Variants in GRIN1 observed in about 807,000 individuals in gnomAD.
GRIN1 encodes the protein glutamate receptor ionotropic, NMDA 1.
In GRIN1, 38 loss-of-function variants were observed where a neutral mutation model predicts 103.0. The observed-to-expected ratio is 0.37, with a 90% CI of 0.28 to 0.48. GRIN1 has a LOEUF of 0.48. GRIN1 is among the 20% of genes least tolerant of loss of function. GRIN1 has a pLI of 0.98. For missense variants in GRIN1, 577 were observed against 1,288.9 expected (o/e 0.45, Z 8.46); for synonymous variants, 544 against 532.7 (o/e 1.02, Z -0.29).
chr9:137,141,754 C>T lies in GRIN1; in HGVS notation c.259-259C>T, dbSNP rs548612483. On this transcript the variant is annotated intron_variant, in intron 1 of 19. Transcript: ENST00000371561. Reference sequence around the variant, plus strand: ...CCAGGACATCCCAAGGGCAGTCCTTCACCTGGCCCTTGAGCACAACACCTG... The same window carrying T: ...CCAGGACATCCCAAGGGCAGTCCTTTACCTGGCCCTTGAGCACAACACCTG... Among the ~76,000 whole-genome samples the T allele has an allele frequency of 5.3e-5, 8 of 152,312 alleles. No individual in the cohort carries two copies. In the East Asian group the frequency reaches 1.4e-3, roughly 26 times the overall value.
intron 6 of GRIN1, 107 bp downstream of exon 6, chr9:137,157,144 T>C: frequency 1.0e-6 from 1 of 964,286 alleles, no homozygotes; most frequent in Non-Finnish European, 1.5e-6. Context: ...GGGGCCACTC[T>C]CCAGAGCTGG....
chr9:137,147,042 C>CCCCACCAGCGCCCGACAGGCCCCT (rs1832580255), intron 3 of GRIN1, among the ~76,000 whole-genome samples: 1 of 84,958 alleles, frequency 1.2e-5, no homozygotes, highest in Non-Finnish European at 2.3e-5. Context: ...ACAGGCCCCT[C>CCCCACCAGCGCCCGACAGGCCCCT]CCCCCCAGCA....
intron 3 of GRIN1, among the ~76,000 whole-genome samples, chr9:137,147,667 G>A (rs151140542): frequency 6.6e-6 from 1 of 152,368 alleles, no homozygotes; most frequent in Non-Finnish European, 1.5e-5. Context: ...GCCGAAGGGC[G>A]TGGGCACCCC....
intron 8 of GRIN1, among the ~76,000 whole-genome samples, chr9:137,159,338 G>A (rs1284162563): frequency 2.6e-5 from 4 of 152,120 alleles, no homozygotes; most frequent in South Asian, 2.1e-4. Flanking sequence ...CCTCACAGGC[G>A]ACACGCCCAC....
intron 18 of GRIN1, 154 bp from the exon 19 acceptor site, chr9:137,165,032 G>C (rs995381720): frequency 1.4e-6 from 1 of 709,906 alleles, no homozygotes; most frequent in South Asian, 1.5e-5. Flanking sequence ...ACCCTCGAAC[G>C]TCCGCTGTCG....
intron 4 of GRIN1, 152 bp downstream of exon 4, chr9:137,149,261 C>T: frequency 2.9e-6 from 2 of 687,840 alleles, no homozygotes; most frequent in Non-Finnish European, 5.3e-6. Context: ...CCCCCACCCG[C>T]ACCCACACTC....
chr9:137,158,748 G>C (rs201197158), intron 8 of GRIN1, 44 bp downstream of exon 8: 16 of 1,389,256 alleles, frequency 1.2e-5, no homozygotes, highest in Non-Finnish European at 1.5e-5. Context: ...ACCCCAGACA[G>C]CCCATCCACC....
At chr9:137,158,247 C>T in intron 6 of GRIN1, 132 bp from the exon 7 acceptor site, 2 of 1,019,650 alleles carry the variant, frequency 2.0e-6, no homozygotes, top group Non-Finnish European at 3.0e-6. Flanking sequence ...GCCCAAGCTG[C>T]TCAGCCGGCA....
chr9:137,154,420 C>A (rs1232275753), intron 4 of GRIN1, among the ~76,000 whole-genome samples: 1 of 144,650 alleles, frequency 6.9e-6, no homozygotes, highest in Non-Finnish European at 1.5e-5. Flanking sequence ...CCACCACCCC[C>A]AGCTCCAACA....
intron 12 of GRIN1, 52 bp from the exon 13 acceptor site, chr9:137,162,352 G>C: frequency 6.5e-7 from 1 of 1,540,932 alleles, no homozygotes; most frequent in Non-Finnish European, 8.7e-7. Flanking sequence ...CCAGGGGCGG[G>C]GCAGGGCCGC....
intron 19 of GRIN1, 83 bp downstream of exon 19, chr9:137,165,379 G>A (rs1319119082): frequency 1.5e-5 from 13 of 886,452 alleles, no homozygotes; most frequent in Admixed American, 3.6e-5. Flanking sequence ...ACCCCGCCCC[G>A]GACCCTGGGC....
intron 18 of GRIN1, 175 bp downstream of exon 18, chr9:137,164,079 G>A: frequency 1.3e-6 from 1 of 794,600 alleles, no homozygotes; most frequent in Non-Finnish European, 2.1e-6. Flanking sequence ...CACCGGTGGG[G>A]GGCTGCCTGC....
chr9:137,151,923 T>C (rs1564352194), intron 4 of GRIN1, among the ~76,000 whole-genome samples: 4 of 135,932 alleles, frequency 2.9e-5, no homozygotes, highest in Non-Finnish European at 3.2e-5. Flanking sequence ...TTTTTTTTCT[T>C]TGAGATGGAG....
intron 17 of GRIN1, 38 bp downstream of exon 17, chr9:137,163,706 G>C (rs199572910): frequency 1.2e-6 from 2 of 1,613,340 alleles, no homozygotes; most frequent in Non-Finnish European, 8.5e-7. Context: ...TGGGTTCTCC[G>C]TGGGCTGCGG....
chr9:137,149,851 C>G (rs1250510295), intron 4 of GRIN1, among the ~76,000 whole-genome samples: 2 of 152,206 alleles, frequency 1.3e-5, no homozygotes, highest in African/African-American at 4.8e-5. Flanking sequence ...CAGTGAAACA[C>G]CCGGAGGAAC....
At chr9:137,157,077 G>T (rs1833271335) in intron 6 of GRIN1, 40 bp downstream of exon 6, 1 of 1,556,546 alleles carries the variant, frequency 6.4e-7, no homozygotes. Context: ...GGCTGCTCTT[G>T]GGGAGGTGGG....
chr9:137,166,773 G>A (rs901725767), intron 19 of GRIN1, among the ~76,000 whole-genome samples: 10 of 152,278 alleles, frequency 6.6e-5, no homozygotes, highest in Non-Finnish European at 1.2e-4. Flanking sequence ...AAAGCGGGCA[G>A]AGCTGATGCT....
chr9:137,156,553 C>G lies in GRIN1; in HGVS notation c.672-116C>G. On this transcript the variant is annotated intron_variant, in intron 4 of 19. Coordinates refer to ENST00000371561, the MANE Select transcript of GRIN1 (RefSeq NM_007327.4). ...CTCTGCGAGGTCTGCAGGCTTCGCT[C>G]TAGGAGGGGATGGGGGCTGGGCAGG... is the stretch of plus-strand genomic sequence containing the variant. 4 of 1,447,094 alleles carry G rather than the reference C, an allele frequency of 2.8e-6. No homozygotes were observed. In the South Asian group the frequency reaches 5.0e-5, roughly 18 times the overall value. The allele number at this position is 1,447,094 out of a possible 1,614,324, so 89.6% of individuals were successfully genotyped here.
In GRIN1 at chr9:137,147,237, G is replaced by A. The variant is rs560188883; in HGVS notation, c.570+1335G>A. ...GCCACAGGCTCAGGCTTGCCTCCAT[G>A]CAGCTCCAGCGCCACACACACACCT... On this transcript the variant is annotated intron_variant, in intron 3 of 19. Transcript: ENST00000371561. Among the ~76,000 whole-genome samples the A allele has an allele frequency of 2.0e-5, 3 of 152,026 alleles. No individual in the cohort carries two copies. In the South Asian group the frequency reaches 6.2e-4, roughly 32 times the overall value.
Sources: allele counts gnomAD v4.1 joint callset (sites outside exome capture counted in the v4.1 genomes callset), GRCh38; gene constraint gnomAD v4.1.1; transcripts MANE v1.5; gene names NCBI Gene and HGNC (gene_info 2026-07-23, HGNC 2026-07-21).